SLC25A26: variants seen among roughly 807,000 people sequenced by gnomAD.
SLC25A26 encodes mitochondrial S-adenosylmethionine carrier protein.
In SLC25A26, 36 loss-of-function variants were observed where a neutral mutation model predicts 37.8. The observed-to-expected ratio is 0.95, with a 90% confidence interval of 0.73 to 1.26. The LOEUF (loss-of-function observed/expected upper bound fraction) is 1.26. Among genes scored for constraint, SLC25A26 ranks in the 50% most tolerant of loss-of-function variants. The probability of loss-of-function intolerance (pLI) is 0.00; values close to 1 mark genes in which losing one functional copy is unlikely to be tolerated. For missense variants in SLC25A26, 390 were observed against 331.1 expected, an observed-to-expected ratio of 1.18 and a Z score of -1.38; for synonymous variants, 129 against 122.5, an observed-to-expected ratio of 1.05 and a Z score of -0.35.
intron 6 of SLC25A26, chr3:66,356,227 TGGGG>T (rs2076572023): frequency 4.5e-5 from 17 of 375,596 alleles, no homozygotes; most frequent in Non-Finnish European, 8.8e-5. Context: ...ACACTTGGTC[TGGGG>T]TTGGACTCCC....
chr3:66,205,237 A>G lies in SLC25A26; in HGVS notation c.-353-15505A>G, dbSNP rs942178909. ...CATTCTTCTTCCAATTAGAAAGAAAAAAGCGTGGTGGAGGCTCAGAGTTTA... is the reference window on the plus strand; with the variant it reads ...CATTCTTCTTCCAATTAGAAAGAAAGAAGCGTGGTGGAGGCTCAGAGTTTA... On this transcript the variant is annotated intron_variant, in intron 1 of 10. Coordinates refer to the SLC25A26 transcript ENST00000676754. Among the ~76,000 whole-genome samples, 124 of 152,356 alleles carry G rather than the reference A, an allele frequency of 8.1e-4. 1 individual carries two copies. The highest frequency in any genetic ancestry group is 2.8e-3 in the African/African-American group (118 of 41,588).
At chr3:66,258,140 A>G (rs571044467) in intron 3 of SLC25A26, among the ~76,000 whole-genome samples, 2 of 152,230 alleles carry the variant, frequency 1.3e-5, no homozygotes, top group African/African-American at 4.8e-5. Context: ...CTAGATCTAG[A>G]TATCCTCCAC....
intron 1 of SLC25A26, among the ~76,000 whole-genome samples, chr3:66,215,460 C>T (rs1283685091): frequency 5.9e-5 from 9 of 152,172 alleles, no homozygotes; most frequent in Non-Finnish European, 1.3e-4. Flanking sequence ...CTCAGTCTCA[C>T]ACAGTTCTGT....
chr3:66,309,962 G>A (rs1314740110), intron 5 of SLC25A26, among the ~76,000 whole-genome samples: 2 of 152,162 alleles, frequency 1.3e-5, no homozygotes, highest in Non-Finnish European at 2.9e-5. Context: ...GTGCTGAGAA[G>A]AATGTATATT....
At chr3:66,311,679 G>A (rs1252479493) in intron 5 of SLC25A26, among the ~76,000 whole-genome samples, 1 of 151,884 alleles carries the variant, frequency 6.6e-6, no homozygotes, top group Non-Finnish European at 1.5e-5. Flanking sequence ...TTTTTGCGTG[G>A]GTGTCCTTTT....
chr3:66,287,418 CAAT>C (rs1218749448), intron 5 of SLC25A26, among the ~76,000 whole-genome samples: 2 of 151,358 alleles, frequency 1.3e-5, no homozygotes, highest in Admixed American at 1.3e-4. Context: ...TTTTACAGTT[CAAT>C]AATTCGGTAT....
intron 1 of SLC25A26, among the ~76,000 whole-genome samples, chr3:66,161,470 T>C (rs1007593332): frequency 6.6e-6 from 1 of 152,242 alleles, no homozygotes; most frequent in African/African-American, 2.4e-5. Flanking sequence ...AGAGAAATAA[T>C]GGGAAACCCA....
At chr3:66,288,312 A>G (rs777759193) in intron 5 of SLC25A26, among the ~76,000 whole-genome samples, 1 of 152,092 alleles carries the variant, frequency 6.6e-6, no homozygotes, top group African/African-American at 2.4e-5. Context: ...ATATGTTGAC[A>G]TTGGAAAGCA....
At chr3:66,143,236 T>C (rs1341205648) in intron 1 of SLC25A26, among the ~76,000 whole-genome samples, 2 of 152,384 alleles carry the variant, frequency 1.3e-5, no homozygotes, top group East Asian at 3.9e-4. Flanking sequence ...ATCTATTCAT[T>C]TGTTGATGGA....
intron 6 of SLC25A26, among the ~76,000 whole-genome samples, chr3:66,348,582 G>T (rs1489767427): frequency 1.3e-5 from 2 of 152,056 alleles, no homozygotes; most frequent in East Asian, 1.9e-4. Flanking sequence ...CATACAAAAT[G>T]CATTTTGAAG....
chr3:66,330,676 G>A (rs963391726), intron 5 of SLC25A26, among the ~76,000 whole-genome samples: 6 of 151,202 alleles, frequency 4.0e-5, no homozygotes, highest in African/African-American at 1.5e-4. Context: ...TTTTTTGTCA[G>A]AATACACGAA....
intron 3 of SLC25A26, among the ~76,000 whole-genome samples, chr3:66,259,495 T>C (rs2073437969): frequency 6.6e-6 from 1 of 152,180 alleles, no homozygotes. Context: ...TCTCATGTTT[T>C]GGGACCACCA....
chr3:66,375,947 A>T (rs2107874951), intron 9 of SLC25A26, among the ~76,000 whole-genome samples: 1 of 151,806 alleles, frequency 6.6e-6, no homozygotes, highest in Admixed American at 6.6e-5. Flanking sequence ...TCTAGATACC[A>T]GTAAGAACAT....
chr3:66,191,547 T>A (rs898973736), intron 1 of SLC25A26, among the ~76,000 whole-genome samples: 1 of 152,204 alleles, frequency 6.6e-6, no homozygotes, highest in African/African-American at 2.4e-5. Context: ...GTATTCTTTT[T>A]TTTCAAGGTA....
At chr3:66,226,876 G>A (rs2071778956) in intron 1 of SLC25A26, among the ~76,000 whole-genome samples, 1 of 254 alleles carries the variant, frequency 3.9e-3, no homozygotes, top group South Asian at 0.17. Flanking sequence ...AAACGCTTTG[G>A]TTGTAATATA....
intron 3 of SLC25A26, among the ~76,000 whole-genome samples, chr3:66,260,148 A>G (rs924489790): frequency 1.3e-5 from 2 of 152,068 alleles, no homozygotes; most frequent in Admixed American, 1.3e-4. Flanking sequence ...TGGGGGTTGG[A>G]CTAAATACCC....
intron 2 of SLC25A26, among the ~76,000 whole-genome samples, chr3:66,237,342 T>C (rs2072342827): frequency 6.6e-6 from 1 of 152,252 alleles, no homozygotes; most frequent in Non-Finnish European, 1.5e-5. Flanking sequence ...CTGGGAAGCC[T>C]TAAAAAATAC....
intron 5 of SLC25A26, among the ~76,000 whole-genome samples, chr3:66,302,316 T>C (rs1376362301): frequency 6.6e-6 from 1 of 152,218 alleles, no homozygotes; most frequent in Non-Finnish European, 1.5e-5. Context: ...TGGTTTCATA[T>C]ACAACTCCAG....
intron 5 of SLC25A26, among the ~76,000 whole-genome samples, chr3:66,335,504 A>T (rs911115244): frequency 6.6e-6 from 1 of 152,230 alleles, no homozygotes; most frequent in Non-Finnish European, 1.5e-5. Flanking sequence ...ATTGTAAATC[A>T]GCAGTAGATG....
Sources: allele counts gnomAD v4.1 joint callset (sites outside exome capture counted in the v4.1 genomes callset), GRCh38; gene constraint gnomAD v4.1.1; transcripts MANE v1.5; gene names NCBI Gene and HGNC (gene_info 2026-07-23, HGNC 2026-07-21).